The following SSNA1 variants were observed in gnomAD, a reference collection of about 807,000 sequenced individuals.
SSNA1 encodes SS nuclear autoantigen 1, also known as microtubule nucleation factor SSNA1.
A neutral mutation model predicts 13.3 loss-of-function variants in SSNA1; 13 were observed. The observed-to-expected ratio is 0.97, with a 90% CI of 0.63 to 1.55. The LOEUF (loss-of-function observed/expected upper bound fraction) is 1.55, where lower values mean the gene tolerates loss of function less well. SSNA1 is among the 40% of genes most tolerant of loss of function. The pLI is 0.00. For missense variants in SSNA1, 186 were observed against 152.7 expected, an observed-to-expected ratio of 1.22 and a Z score of -1.15; for synonymous variants, 89 against 65.9, an observed-to-expected ratio of 1.35 and a Z score of -1.70.
At chr9:137,188,938 G>A in intron 1 of SSNA1, 128 bp from the exon 2 acceptor site, 2 of 1,335,348 alleles carry the variant, frequency 1.5e-6, no homozygotes, top group Non-Finnish European at 9.9e-7. Context: ...GCCCTCGCTG[G>A]CTCGCAGGCC....
At position 137,190,093 on chromosome 9, in the gene SSNA1, G is replaced by C. The variant is rs757523578; in HGVS notation, c.*179G>C. On this transcript the variant is annotated 3_prime_UTR_variant, in exon 3 of 3. Transcript: ENST00000322310. ...GACAAGCCCAGGGCACAGCCCACCC[G>C]GGGGTCCTCGCTTCATGCTCACACA... 6 of 597,696 alleles carry C rather than the reference G, an allele frequency of 1.0e-5. No homozygotes were observed. Among genetic ancestry groups the C allele is most frequent in the African/African-American group, 9.3e-5 (5 of 53,742 alleles). 37.0% of individuals were successfully genotyped at this position (597,696 alleles called of 1,614,324 possible).
At position 137,190,278 on chromosome 9, in the gene SSNA1, G is replaced by T; in HGVS notation, c.*364G>T. ...AGCAGAGGCCCAGGGCAAGGGACAG[G>T]AGGACAGGGGTTCTCCTTCACCACA... is the stretch of plus-strand genomic sequence containing the variant. On this transcript the variant is annotated 3_prime_UTR_variant, in exon 3 of 3. Coordinates refer to ENST00000322310, the MANE Select transcript of SSNA1 (RefSeq NM_003731.3). 1 of 275,288 alleles carries T rather than the reference G, an allele frequency of 3.6e-6. No individual in the cohort carries two copies. The highest frequency in any genetic ancestry group is 4.3e-5 in the South Asian group (1 of 23,368). 17.1% of individuals were successfully genotyped at this position (275,288 alleles called of 1,614,324 possible).
Position 137,189,824 on chromosome 9 carries a change from G to A in SSNA1, c.270G>A (p.Gln90=), listed in dbSNP as rs780695011. Residue 90 remains glutamine (Q), a synonymous_variant, in exon 3 of 3, where the codon CAG becomes CAA. Transcript: ENST00000322310. ...GGCCCCAGATCCTGGAGAGCTCCCAGACTTTGCTCAGCGTTCTCAAGAGGG... is the reference window on the plus strand; with the variant it reads ...GGCCCCAGATCCTGGAGAGCTCCCAAACTTTGCTCAGCGTTCTCAAGAGGG... ...AAYLKILESS[Q]TLLSVLKREA... is the part of the protein sequence containing the mutation. 24 of 1,614,014 alleles carry A rather than the reference G, an allele frequency of 1.5e-5. No homozygotes were observed. The South Asian group carries it at 2.4e-4, about 16-fold the overall frequency.
In SSNA1 at chr9:137,189,826, C is replaced by CTTTGCTCAGCG. The variant is rs1564381721; in HGVS notation, c.275_285dup (p.Leu96CysfsTer12). 6.2e-7 allele frequency: 1 copy of CTTTGCTCAGCG among 1,614,012 alleles called. No homozygotes were observed. The highest frequency in any genetic ancestry group is 1.7e-5 in the Admixed American group (1 of 60,020). On this transcript the variant is annotated frameshift_variant, in exon 3 of 3. Coordinates refer to ENST00000322310, the MANE Select transcript of SSNA1 (RefSeq NM_003731.3). LOFTEE classifies it high-confidence loss of function. ...CCCCAGATCCTGGAGAGCTCCCAGA[C>CTTTGCTCAGCG]TTTGCTCAGCGTTCTCAAGAGGGAA...
intron 1 of SSNA1, 80 bp downstream of exon 1, chr9:137,188,858 C>T: frequency 1.4e-6 from 2 of 1,438,080 alleles, no homozygotes; most frequent in South Asian, 1.4e-5. Flanking sequence ...GCCCCTGGAC[C>T]CGCCTCGCTG....
intron 1 of SSNA1, 37 bp from the exon 2 acceptor site, chr9:137,189,029 G>T: frequency 6.5e-7 from 1 of 1,547,880 alleles, no homozygotes; most frequent in Non-Finnish European, 8.7e-7. Context: ...CCGCGCTCCT[G>T]CCCTGGGCCC....
In SSNA1 at chr9:137,190,033, G is replaced by A. The variant is rs3087779; in HGVS notation, c.*119G>A. 0.24 allele frequency: 217,992 copies of A among 919,694 alleles called. 27,746 individuals carry two copies. Among genetic ancestry groups the A allele is most frequent in the South Asian group, 0.31 (20,064 of 64,694 alleles). The allele number at this position is 919,694 out of a possible 1,614,324, so 57.0% of individuals were successfully genotyped here. ...ACCTTCCCTCACTGTCTCAGGTGCC[G>A]AGAGGGGCAGGTGCCAGCCTCCACT... On this transcript the variant is annotated 3_prime_UTR_variant, in exon 3 of 3. Transcript: ENST00000322310.
chr9:137,189,656 C>T, intron 2 of SSNA1, 151 bp from the exon 3 acceptor site: 1 of 684,086 alleles, frequency 1.5e-6, no homozygotes, highest in South Asian at 1.9e-5. Flanking sequence ...CCCCGTCTGC[C>T]AGTCCCCTTG....
intron 2 of SSNA1, among the ~76,000 whole-genome samples, 168 bp downstream of exon 2, chr9:137,189,433 G>T (rs1216989774): frequency 6.6e-6 from 1 of 152,236 alleles, no homozygotes; most frequent in Non-Finnish European, 1.5e-5. Flanking sequence ...CCAGGCTGCT[G>T]TGGGAGTGAC....
rs757072290 is a variant in SSNA1, at chr9:137,188,710, C to G, written c.-17C>G. 1.3e-6 allele frequency: 2 copies of G among 1,580,234 alleles called. No individual in the cohort carries two copies. The highest frequency in any genetic ancestry group is 1.7e-6 in the Non-Finnish European group (2 of 1,171,552). On this transcript the variant is annotated 5_prime_UTR_variant, in exon 1 of 3. Transcript: ENST00000322310. ...TCCGCGGCGGTTGGGGTGGTGGGGC[C>G]CCGGGCGGCGTTGACCATGACCCAG...
intron 2 of SSNA1, 149 bp downstream of exon 2, chr9:137,189,414 T>C: frequency 2.2e-6 from 2 of 925,870 alleles, no homozygotes; most frequent in South Asian, 3.1e-5. Flanking sequence ...GCCAGGCCCA[T>C]TGAGGAACCC....
chr9:137,189,654 G>T (rs555950171), intron 2 of SSNA1, among the ~76,000 whole-genome samples, 153 bp from the exon 3 acceptor site: 3 of 152,356 alleles, frequency 2.0e-5, no homozygotes, highest in South Asian at 4.1e-4. Flanking sequence ...CACCCCGTCT[G>T]CCAGTCCCCT....
intron 2 of SSNA1, 68 bp downstream of exon 2, chr9:137,189,333 G>T: frequency 6.4e-7 from 1 of 1,566,728 alleles, no homozygotes; most frequent in Non-Finnish European, 8.8e-7. Flanking sequence ...ACGGCAAGGC[G>T]TCAGGACCGG....
rs769004992 is a variant in SSNA1 at position 137,189,118 on chromosome 9, G to A, written c.105G>A (p.Glu35=). The A allele has an allele frequency of 1.4e-5, 22 of 1,605,522 alleles. No homozygotes were observed. Among genetic ancestry groups the A allele is most frequent in the Middle Eastern group, 1.7e-4 (1 of 6,056 alleles). ...AGGAGCTGTGCCGGCAGATCCAGGA[G>A]GAGGAGGACGAGAAGCAGCGGCTGC... The part of the protein sequence containing the change: ...KREELCRQIQ[E]EEDEKQRLQN... The change falls in exon 2 of 3, where the codon GAG becomes GAA. Residue 35 remains glutamate, a synonymous_variant. Transcript: ENST00000322310.
At chr9:137,189,377 G>T in intron 2 of SSNA1, 112 bp downstream of exon 2, 1 of 1,297,814 alleles carries the variant, frequency 7.7e-7, no homozygotes, top group Admixed American at 1.9e-5. Context: ...TCTGTGCCTC[G>T]CTGGCATTTC....
chr9:137,188,965 G>T (rs948716166), intron 1 of SSNA1, 101 bp from the exon 2 acceptor site: 8 of 1,424,268 alleles, frequency 5.6e-6, no homozygotes, highest in South Asian at 1.4e-5. Context: ...CGGGCGCTCG[G>T]GGGTGGTGCC....
chr9:137,189,312 G>A, intron 2 of SSNA1, 47 bp downstream of exon 2: 4 of 1,602,764 alleles, frequency 2.5e-6, no homozygotes, highest in Non-Finnish European at 2.6e-6. Flanking sequence ...AGGCACGGCA[G>A]GGGTGTTGCC....
intron 1 of SSNA1, 43 bp from the exon 2 acceptor site, chr9:137,189,023 G>A (rs1309814822): frequency 3.6e-5 from 55 of 1,539,512 alleles, no homozygotes; most frequent in Non-Finnish European, 4.8e-5. Flanking sequence ...CCGCCGCCGC[G>A]CTCCTGCCCT....
In SSNA1 at chr9:137,189,142, G is replaced by T; in HGVS notation, c.129G>T (p.Leu43=). The change falls in exon 2 of 3, where the codon CTG becomes CTT. Residue 43 remains leucine (L), a synonymous_variant. Transcript: ENST00000322310. The stretch of plus-strand genomic sequence containing the variant: ...AGGAGGAGGACGAGAAGCAGCGGCT[G>T]CAGAATGAGGTGAGGCAGCTGACAG... ...IQEEEDEKQR[L]QNEVRQLTEK... is the part of the protein sequence containing the mutation. 1 of 1,611,376 alleles carries T rather than the reference G, an allele frequency of 6.2e-7. No homozygotes were observed. Among genetic ancestry groups the T allele is most frequent in the Non-Finnish European group, 8.5e-7 (1 of 1,179,290 alleles).
Sources: allele counts gnomAD v4.1 joint callset (sites outside exome capture counted in the v4.1 genomes callset), GRCh38; gene constraint gnomAD v4.1.1; transcripts MANE v1.5; gene names NCBI Gene and HGNC (gene_info 2026-07-23, HGNC 2026-07-21).